The following LSAMP variants were observed in gnomAD, a reference collection of about 807,000 sequenced individuals.
The protein encoded by LSAMP is limbic system-associated membrane protein.
Under a neutral mutation model 38.6 loss-of-function variants are expected in LSAMP, and 7 were observed. The ratio of observed to expected loss-of-function variants is 0.18; its 90% CI spans 0.10 to 0.34. The LOEUF is 0.34. LSAMP is among the 10% of genes least tolerant of loss of function. The probability of loss-of-function intolerance (pLI) is 1.00; values close to 1 mark genes in which losing one functional copy is unlikely to be tolerated. For synonymous variants in LSAMP, 154 were observed against 166.8 expected (o/e 0.92, Z 0.59); for missense variants, 313 against 420.0 (o/e 0.75, Z 2.23).
intron 1 of LSAMP, among the ~76,000 whole-genome samples, chr3:116,243,147 C>A (rs767286732): frequency 1.3e-5 from 2 of 152,048 alleles, no homozygotes; most frequent in Non-Finnish European, 2.9e-5. Flanking sequence ...AAATTCAGAG[C>A]AATGCACGTC....
chr3:116,174,257 G>T (rs1485614853), intron 1 of LSAMP, among the ~76,000 whole-genome samples: 2 of 151,728 alleles, frequency 1.3e-5, no homozygotes, highest in African/African-American at 4.8e-5. Context: ...GCTTTTTTAT[G>T]GTGCCTTTTA....
chr3:116,198,447 G>T (rs2045940634), intron 1 of LSAMP, among the ~76,000 whole-genome samples: 1 of 152,090 alleles, frequency 6.6e-6, no homozygotes, highest in African/African-American at 2.4e-5. Flanking sequence ...GCTTAGTTTT[G>T]CTATTTAGAG....
intron 1 of LSAMP, among the ~76,000 whole-genome samples, chr3:116,303,223 TCTTA>T (rs1280468176): frequency 2.0e-5 from 3 of 152,192 alleles, no homozygotes; most frequent in Admixed American, 2.0e-4. Context: ...CAGAAGTCTT[TCTTA>T]CTTCCTATAG....
chr3:115,969,146 T>A (rs1171408450), intron 3 of LSAMP, among the ~76,000 whole-genome samples: 1 of 152,196 alleles, frequency 6.6e-6, no homozygotes, highest in East Asian at 1.9e-4. Flanking sequence ...CCAGGTACTG[T>A]GATTGCTCAT....
chr3:116,293,545 T>C (rs1410966324), intron 1 of LSAMP, among the ~76,000 whole-genome samples: 1 of 152,168 alleles, frequency 6.6e-6, no homozygotes, highest in African/African-American at 2.4e-5. Flanking sequence ...TCGCAGACAG[T>C]TCATACAGAG....
intron 1 of LSAMP, among the ~76,000 whole-genome samples, chr3:116,240,903 C>A (rs563553947): frequency 4.1e-4 from 63 of 152,266 alleles, no homozygotes; most frequent in African/African-American, 1.4e-3. Context: ...CAGCTGGGTG[C>A]GGTGGCTCAT....
At position 115,804,701 on chromosome 3, in the gene LSAMP, A is replaced by G. The variant is rs1289452136; in HGVS notation, c.*5616T>C. Reference sequence around the variant, plus strand: ...CTTGTTTCCTGAAATCATCTCCTTGATAATTTTTTATGTAACAGTTGTTCA... The same window carrying G: ...CTTGTTTCCTGAAATCATCTCCTTGGTAATTTTTTATGTAACAGTTGTTCA... On this transcript the variant is annotated 3_prime_UTR_variant, in exon 7 of 7. Coordinates refer to ENST00000490035, the MANE Select transcript of LSAMP (RefSeq NM_002338.5). 1 of 152,106 alleles carries G rather than the reference A, an allele frequency of 6.6e-6. No individual in the cohort carries two copies. Among genetic ancestry groups the G allele is most frequent in the Non-Finnish European group, 1.5e-5 (1 of 68,022 alleles). The allele number at this position is 152,106 out of a possible 1,614,324, so 9.4% of individuals were successfully genotyped here.
chr3:115,876,953 G>A (rs569152480), intron 3 of LSAMP, among the ~76,000 whole-genome samples: 3 of 151,916 alleles, frequency 2.0e-5, no homozygotes, highest in South Asian at 4.2e-4. Context: ...TCCCTAACTC[G>A]CCCCTTCCAT....
intron 1 of LSAMP, among the ~76,000 whole-genome samples, chr3:116,333,044 A>G (rs898604570): frequency 1.3e-5 from 2 of 152,158 alleles, no homozygotes; most frequent in African/African-American, 4.8e-5. Flanking sequence ...ATAGTTGTAG[A>G]CTTAAATACC....
chr3:116,395,460 G>A (rs917386473), intron 1 of LSAMP, among the ~76,000 whole-genome samples: 12 of 152,244 alleles, frequency 7.9e-5, no homozygotes, highest in East Asian at 1.9e-4. Flanking sequence ...AAGGAAAGAC[G>A]GCTTATTATT....
At chr3:116,172,306 T>G (rs2107554934) in intron 1 of LSAMP, among the ~76,000 whole-genome samples, 1 of 151,910 alleles carries the variant, frequency 6.6e-6, no homozygotes, top group East Asian at 1.9e-4. Context: ...TACCAGAGAA[T>G]TGGTAAGAAG....
At chr3:116,178,760 T>TA (rs1710414431) in intron 1 of LSAMP, among the ~76,000 whole-genome samples, 1 of 152,064 alleles carries the variant, frequency 6.6e-6, no homozygotes, top group Non-Finnish European at 1.5e-5. Context: ...TCAAAACAGA[T>TA]AATAAAAATA....
chr3:116,262,212 C>T (rs181634700), intron 1 of LSAMP, among the ~76,000 whole-genome samples: 105 of 152,212 alleles, frequency 6.9e-4, no homozygotes, highest in Non-Finnish European at 1.3e-3. Flanking sequence ...CCTCCATTCC[C>T]TATGTGAATG....
intron 1 of LSAMP, among the ~76,000 whole-genome samples, chr3:116,107,068 T>G (rs1282212150): frequency 2.0e-5 from 3 of 152,118 alleles, no homozygotes; most frequent in Admixed American, 2.0e-4. Context: ...GAACTGCCAT[T>G]GATAAATCAA....
intron 1 of LSAMP, among the ~76,000 whole-genome samples, chr3:116,353,327 C>T (rs79669355): frequency 0.053 from 8,016 of 152,148 alleles, 272 homozygotes; most frequent in Non-Finnish European, 0.08. Flanking sequence ...GATCAATTAA[C>T]TCTGGCTAGT....
chr3:116,401,460 T>C (rs1323332753), intron 1 of LSAMP, among the ~76,000 whole-genome samples: 1 of 152,156 alleles, frequency 6.6e-6, no homozygotes, highest in African/African-American at 2.4e-5. Context: ...CTTTGTATAA[T>C]TTGTAGAGAC....
At chr3:115,956,996 C>A (rs114752313) in intron 3 of LSAMP, among the ~76,000 whole-genome samples, 2,705 of 152,186 alleles carry the variant, frequency 0.018, 41 homozygotes, top group Non-Finnish European at 0.027. Context: ...TTTAGTAAAC[C>A]CCAACAATGA....
chr3:116,133,497 G>T (rs1347601384), intron 1 of LSAMP, among the ~76,000 whole-genome samples: 1 of 151,764 alleles, frequency 6.6e-6, no homozygotes, highest in African/African-American at 2.4e-5. Context: ...TTTTTTGGTA[G>T]AAATGGAGTC....
At chr3:116,206,079 G>C (rs1487386764) in intron 1 of LSAMP, among the ~76,000 whole-genome samples, 2 of 151,672 alleles carry the variant, frequency 1.3e-5, no homozygotes, top group Non-Finnish European at 2.9e-5. Flanking sequence ...CACAATTTCA[G>C]CTCCTGTTAT....
Sources: gnomAD v4.1 joint callset for allele counts (sites outside exome capture counted in the v4.1 genomes callset) on GRCh38, gnomAD v4.1.1 for gene constraint, MANE v1.5 for transcripts, NCBI Gene and HGNC (gene_info 2026-07-23, HGNC 2026-07-21) for gene names.